Variants in ARL15 observed in about 807,000 individuals in gnomAD.
ARL15 encodes ARF like GTPase 15.
Under a neutral mutation model 25.2 loss-of-function variants are expected in ARL15, and 19 were observed. The observed-to-expected ratio is 0.75, with a 90% confidence interval of 0.53 to 1.10. ARL15 has a LOEUF of 1.10. Among genes scored for constraint, ARL15 ranks in the 50% least tolerant of loss-of-function variants. ARL15 has a pLI of 0.00. For synonymous variants in ARL15, 94 were observed against 86.8 expected (o/e 1.08, Z -0.46); for missense variants, 220 against 246.0 (o/e 0.89, Z 0.71).
chr5:54,252,039 T>A (rs1299771509), intron 1 of ARL15, among the ~76,000 whole-genome samples: 1 of 152,248 alleles, frequency 6.6e-6, no homozygotes, highest in African/African-American at 2.4e-5. Context: ...GAATTTTTCC[T>A]TATTGAACAC....
At chr5:54,304,203 T>C (rs1758692663) in intron 1 of ARL15, among the ~76,000 whole-genome samples, 1 of 152,166 alleles carries the variant, frequency 6.6e-6, no homozygotes, top group Non-Finnish European at 1.5e-5. Context: ...GAACTACTTG[T>C]AGGTGGAAGG....
In ARL15 at chr5:54,310,454, G is replaced by T. The variant is rs547287139; in HGVS notation, c.26C>A (p.Ala9Glu). 5 of 1,609,668 alleles carry T rather than the reference G, an allele frequency of 3.1e-6. No individual in the cohort carries two copies. In the African/African-American group the frequency reaches 4.0e-5, roughly 13 times the overall value. MSDLRITE[A>E]FLYMDYLCFR... ...TACCAGATAATCCATGTACAGAAAC[G>T]CCTCAGTTATTCGGAGATCAGACAT... The change falls in exon 1 of 5, where the codon GCG (alanine) becomes GAG (glutamate). Residue 9 changes from alanine to glutamate, a missense_variant. By Grantham distance (107) the Ala-to-Glu change is moderately radical. Transcript: ENST00000504924.
At chr5:54,213,706 C>G (rs911340882) in intron 1 of ARL15, among the ~76,000 whole-genome samples, 15 of 152,006 alleles carry the variant, frequency 9.9e-5, no homozygotes, top group Non-Finnish European at 1.6e-4. Context: ...ATCCATATAG[C>G]AGAGATAATA....
chr5:53,918,480 C>T (rs556628669), intron 4 of ARL15, among the ~76,000 whole-genome samples: 2 of 152,272 alleles, frequency 1.3e-5, no homozygotes, highest in Non-Finnish European at 2.9e-5. Context: ...GTGTAAGTCA[C>T]TGCTGCTAGC....
At chr5:54,005,882 ACC>A (rs1491324854) in intron 4 of ARL15, among the ~76,000 whole-genome samples, 1 of 149,526 alleles carries the variant, frequency 6.7e-6, no homozygotes. Flanking sequence ...AACCAAAAAA[ACC>A]CAAAAATAGC....
chr5:54,089,883 T>G (rs1752082226), intron 4 of ARL15, among the ~76,000 whole-genome samples: 1 of 152,230 alleles, frequency 6.6e-6, no homozygotes, highest in Non-Finnish European at 1.5e-5. Context: ...ATATTTCTTG[T>G]ATTTTATAGC....
intron 4 of ARL15, among the ~76,000 whole-genome samples, chr5:54,097,865 A>G (rs1752333267): frequency 6.6e-6 from 1 of 152,252 alleles, no homozygotes; most frequent in Non-Finnish European, 1.5e-5. Flanking sequence ...ACACACAGAC[A>G]TCAGTGCTGA....
At chr5:54,125,420 G>C (rs1055195942) in intron 3 of ARL15, among the ~76,000 whole-genome samples, 9 of 152,142 alleles carry the variant, frequency 5.9e-5, no homozygotes, top group African/African-American at 1.9e-4. Flanking sequence ...ACCTAGGAAT[G>C]GAGGCTGCTA....
intron 4 of ARL15, among the ~76,000 whole-genome samples, chr5:54,090,561 G>T (rs1752099293): frequency 6.6e-6 from 1 of 151,612 alleles, no homozygotes; most frequent in African/African-American, 2.4e-5. Flanking sequence ...TCTTAATGTG[G>T]GTAGTGGAGA....
chr5:54,162,183 C>T (rs999363787), intron 2 of ARL15, among the ~76,000 whole-genome samples: 3 of 152,068 alleles, frequency 2.0e-5, no homozygotes, highest in Non-Finnish European at 2.9e-5. Flanking sequence ...GCTGCCTATT[C>T]GCCAACCCTT....
At chr5:54,284,414 G>T (rs1472298153) in intron 1 of ARL15, among the ~76,000 whole-genome samples, 1 of 152,136 alleles carries the variant, frequency 6.6e-6, no homozygotes, top group Non-Finnish European at 1.5e-5. Flanking sequence ...CCTCTAACTT[G>T]TTTAAAAATT....
At chr5:53,961,541 T>G (rs1296165126) in intron 4 of ARL15, among the ~76,000 whole-genome samples, 1 of 142,344 alleles carries the variant, frequency 7.0e-6, no homozygotes, top group Non-Finnish European at 1.6e-5. Context: ...TGATTGATTT[T>G]ATATTTTAAA....
At chr5:53,975,980 G>A (rs1747907393) in intron 4 of ARL15, among the ~76,000 whole-genome samples, 1 of 152,180 alleles carries the variant, frequency 6.6e-6, no homozygotes, top group Admixed American at 6.5e-5. Flanking sequence ...ATACCTTTAG[G>A]ATTGAAGATT....
chr5:54,163,323 G>T (rs182029195), intron 2 of ARL15, among the ~76,000 whole-genome samples: 2 of 74,774 alleles, frequency 2.7e-5, no homozygotes, highest in East Asian at 7.7e-4. Context: ...TATAATTTTT[G>T]TATCTGTGTC....
intron 4 of ARL15, among the ~76,000 whole-genome samples, chr5:54,091,823 A>G (rs933464508): frequency 6.6e-6 from 1 of 151,904 alleles, no homozygotes; most frequent in African/African-American, 2.4e-5. Flanking sequence ...CCCAGGCATC[A>G]GCTAGGGAAT....
intron 2 of ARL15, among the ~76,000 whole-genome samples, chr5:54,161,024 T>C (rs146135845): frequency 6.6e-6 from 1 of 152,244 alleles, no homozygotes; most frequent in African/African-American, 2.4e-5. Flanking sequence ...AGTTTTTCTC[T>C]AGTTTTTTAA....
At chr5:54,021,971 GA>G (rs1749617929) in intron 4 of ARL15, among the ~76,000 whole-genome samples, 1 of 152,150 alleles carries the variant, frequency 6.6e-6, no homozygotes. Context: ...ACGGAAGCCA[GA>G]AGGAAATGAT....
At chr5:54,060,271 A>G (rs983508135) in intron 4 of ARL15, among the ~76,000 whole-genome samples, 11 of 151,988 alleles carry the variant, frequency 7.2e-5, no homozygotes, top group African/African-American at 2.4e-4. Flanking sequence ...TGTGTCTACT[A>G]TACAAAAATT....
intron 3 of ARL15, among the ~76,000 whole-genome samples, chr5:54,114,473 C>T (rs1478814377): frequency 6.7e-6 from 1 of 149,986 alleles, no homozygotes; most frequent in Non-Finnish European, 1.5e-5. Context: ...TGTAGTATTC[C>T]TCTTTGTATT....
Sources: gnomAD v4.1 joint callset for allele counts (sites outside exome capture counted in the v4.1 genomes callset) on GRCh38, gnomAD v4.1.1 for gene constraint, MANE v1.5 for transcripts, NCBI Gene and HGNC (gene_info 2026-07-23, HGNC 2026-07-21) for gene names.